Variants in FILIP1 observed in about 807,000 individuals in gnomAD.
FILIP1 encodes the protein filamin-A-interacting protein 1.
Under a neutral mutation model 102.1 loss-of-function variants are expected in FILIP1, and 61 were observed. That is an observed-to-expected ratio of 0.60 (90% confidence interval 0.49 to 0.74). The LOEUF (loss-of-function observed/expected upper bound fraction) is 0.74. FILIP1 is among the 30% of genes least tolerant of loss of function. FILIP1 has a pLI of 0.00. For missense variants in FILIP1, 1,314 were observed against 1,441.2 expected (o/e 0.91, Z 1.43); for synonymous variants, 491 against 526.9 (o/e 0.93, Z 0.93).
chr6:75,437,949 G>A (rs935409042), intron 1 of FILIP1, among the ~76,000 whole-genome samples: 1 of 152,098 alleles, frequency 6.6e-6, no homozygotes, highest in Non-Finnish European at 1.5e-5. Flanking sequence ...TTAATTTATT[G>A]AAAATAAATA....
At chr6:75,395,209 C>T (rs1180997868) in intron 2 of FILIP1, among the ~76,000 whole-genome samples, 1 of 151,962 alleles carries the variant, frequency 6.6e-6, no homozygotes, top group Admixed American at 6.6e-5. Flanking sequence ...TATATTATAC[C>T]CTTCTGGAAC....
At chr6:75,341,007 C>T (rs892724789) in intron 4 of FILIP1, among the ~76,000 whole-genome samples, 3 of 151,454 alleles carry the variant, frequency 2.0e-5, no homozygotes, top group Non-Finnish European at 4.4e-5. Context: ...CCTGCCCGTC[C>T]GCTTGTGTAT....
At chr6:75,350,150 C>T (rs1014631553) in intron 4 of FILIP1, among the ~76,000 whole-genome samples, 3 of 151,904 alleles carry the variant, frequency 2.0e-5, no homozygotes, top group African/African-American at 4.8e-5. Flanking sequence ...AGAGTGCCCA[C>T]GGCATGTGCA....
intron 2 of FILIP1, among the ~76,000 whole-genome samples, chr6:75,405,159 T>C (rs1776796653): frequency 6.6e-6 from 1 of 152,232 alleles, no homozygotes. Flanking sequence ...CCAAACCTTT[T>C]TGATTCTATC....
intron 5 of FILIP1, among the ~76,000 whole-genome samples, chr6:75,311,025 A>C (rs187630327): frequency 4.6e-5 from 7 of 152,338 alleles, no homozygotes; most frequent in Admixed American, 4.6e-4. Context: ...TTTATGCTGT[A>C]GAACTTGTTC....
At chr6:75,384,919 C>G (rs1439717399) in intron 2 of FILIP1, 1 of 150,774 alleles carries the variant, frequency 6.6e-6, no homozygotes, top group Non-Finnish European at 1.5e-5. Flanking sequence ...CTCAGCCTCC[C>G]GAGTAGCTGG....
intron 2 of FILIP1, among the ~76,000 whole-genome samples, chr6:75,375,151 C>T (rs1004841399): frequency 6.6e-6 from 1 of 152,366 alleles, no homozygotes; most frequent in African/African-American, 2.4e-5. Context: ...AGCCCACCCC[C>T]ATCGGCCCTT....
chr6:75,314,944 C>T lies in FILIP1; in HGVS notation c.888G>A (p.Leu296=), dbSNP rs1773380292. 3 of 1,614,044 alleles carry T rather than the reference C, an allele frequency of 1.9e-6. No homozygotes were observed. The highest frequency in any genetic ancestry group is 2.5e-6 in the Non-Finnish European group (3 of 1,180,022). The part of the protein sequence containing the change: ...TSKSKEDRQK[L]LKLEVDFEHK... ...GTTCAAAGTCCACTTCTAACTTGAG[C>T]AATTTCTGTCTGTCTTCTTTGGATT... The change falls in exon 5 of 6, where the codon TTG becomes TTA. Residue 296 remains leucine, a synonymous_variant. Coordinates refer to ENST00000237172, the MANE Select transcript of FILIP1 (RefSeq NM_015687.5).
intron 4 of FILIP1, among the ~76,000 whole-genome samples, chr6:75,346,114 G>A (rs189932821): frequency 1.5e-3 from 230 of 152,200 alleles, no homozygotes; most frequent in Non-Finnish European, 1.9e-3. Flanking sequence ...AGTTTATAAG[G>A]TACAGAGTCA....
intron 2 of FILIP1, chr6:75,366,096 T>TA (rs1449254531): frequency 6.6e-6 from 1 of 152,232 alleles, no homozygotes; most frequent in Non-Finnish European, 1.5e-5. Flanking sequence ...TGGGTAAGTG[T>TA]ACTGAAAACA....
chr6:75,479,342 A>G (rs1779582420), intron 1 of FILIP1, among the ~76,000 whole-genome samples: 2 of 152,156 alleles, frequency 1.3e-5, no homozygotes, highest in Admixed American at 1.3e-4. Flanking sequence ...GTTTTTCTGG[A>G]AACTTTTGCA....
Position 75,362,499 on chromosome 6 carries a change from C to T in FILIP1, c.450+245G>A, listed in dbSNP as rs79387412. On this transcript the variant is annotated intron_variant, in intron 3 of 5. Coordinates refer to ENST00000237172, the MANE Select transcript of FILIP1 (RefSeq NM_015687.5). Reference sequence around the variant, plus strand: ...AATAATATACTGCAAGAGCATGTAACTATCAGAACCACATGGAAAAATATA... The same window carrying T: ...AATAATATACTGCAAGAGCATGTAATTATCAGAACCACATGGAAAAATATA... Among the ~76,000 whole-genome samples the T allele has an allele frequency of 6.3e-3, 959 of 152,272 alleles. 7 individuals carry two copies. Among genetic ancestry groups the T allele is most frequent in the African/African-American group, 0.022 (926 of 41,564 alleles).
chr6:75,354,582 A>C (rs944670441), intron 3 of FILIP1, among the ~76,000 whole-genome samples: 3 of 152,018 alleles, frequency 2.0e-5, no homozygotes, highest in East Asian at 1.9e-4. Flanking sequence ...AAAAAAAAAA[A>C]AAAAAAAACC....
At chr6:75,318,228 CTTTTTTT>C (rs35536817) in intron 4 of FILIP1, among the ~76,000 whole-genome samples, 1 of 102,894 alleles carries the variant, frequency 9.7e-6, no homozygotes, top group Non-Finnish European at 2.0e-5. Context: ...ATTATACAGT[CTTTTTTT>C]TTTTTTTTTT....
chr6:75,375,176 G>A (rs1320051247), intron 2 of FILIP1, among the ~76,000 whole-genome samples: 1 of 152,250 alleles, frequency 6.6e-6, no homozygotes, highest in Admixed American at 6.5e-5. Flanking sequence ...GAGTCCTGGG[G>A]TGAGGGATTG....
rs948332315 is a variant in FILIP1 at position 75,424,883 on chromosome 6, C to A, written c.-6-9905G>T. On this transcript the variant is annotated intron_variant, in intron 1 of 5. Coordinates refer to ENST00000237172, the MANE Select transcript of FILIP1 (RefSeq NM_015687.5). ...TGCTTATGACTTCATGTGTTCTAAT[C>A]GCCTGTACACACGTCAACTATATTC... Among the ~76,000 whole-genome samples, 96 of 152,128 alleles carry A rather than the reference C, an allele frequency of 6.3e-4. 1 individual carries two copies. The highest frequency in any genetic ancestry group is 1.4e-3 in the African/African-American group (57 of 41,438).
intron 1 of FILIP1, chr6:75,458,146 G>A (rs1335476663): frequency 6.6e-6 from 1 of 152,142 alleles, no homozygotes; most frequent in Non-Finnish European, 1.5e-5. Context: ...TGGGTGTCTT[G>A]TATTTTATCT....
intron 4 of FILIP1, among the ~76,000 whole-genome samples, chr6:75,315,945 T>C (rs958300123): frequency 6.6e-6 from 1 of 152,228 alleles, no homozygotes; most frequent in African/African-American, 2.4e-5. Flanking sequence ...GGCTTTCTGA[T>C]ACAAACACTG....
intron 1 of FILIP1, among the ~76,000 whole-genome samples, chr6:75,463,226 AC>A (rs1052841122): frequency 6.6e-5 from 10 of 151,900 alleles, no homozygotes; most frequent in Non-Finnish European, 1.2e-4. Flanking sequence ...TGTGCCCCAT[AC>A]CCCCCTTTCC....
Sources: allele counts gnomAD v4.1 joint callset (sites outside exome capture counted in the v4.1 genomes callset), GRCh38; gene constraint gnomAD v4.1.1; transcripts MANE v1.5; gene names NCBI Gene and HGNC (gene_info 2026-07-23, HGNC 2026-07-21).